CARD14: variants seen among roughly 807,000 people sequenced by gnomAD.
CARD14 encodes the protein caspase recruitment domain-containing protein 14.
CARD14 carries 107 observed loss-of-function variants against 111.5 expected under a neutral mutation model. That is an observed-to-expected ratio of 0.96 (90% confidence interval 0.82 to 1.13). The LOEUF is 1.13. CARD14 is among the 50% of genes most tolerant of loss of function. The probability of loss-of-function intolerance (pLI) is 0.00; values close to 1 mark genes in which losing one functional copy is unlikely to be tolerated. For missense variants in CARD14, 1,322 were observed against 1,362.3 expected, an observed-to-expected ratio of 0.97 and a Z score of 0.47; for synonymous variants, 617 against 579.6, an observed-to-expected ratio of 1.06 and a Z score of -0.93.
rs376853781 is a variant in CARD14, at chr17:80,189,710, T to C, written c.844-43T>C. The C allele has an allele frequency of 2.5e-5, 37 of 1,506,890 alleles. No homozygotes were observed. Among genetic ancestry groups the C allele is most frequent in the Non-Finnish European group, 3.3e-5 (37 of 1,135,002 alleles). 93.3% of individuals were successfully genotyped at this position (1,506,890 alleles called of 1,614,324 possible). ...GGATTCTGCTTGCCTAGGGCAGGCC[T>C]CTGGGGAAGCCAGCACCCCAGGCTG... On this transcript the variant is annotated intron_variant, in intron 8 of 23. Coordinates refer to ENST00000648509, the MANE Select transcript of CARD14 (RefSeq NM_001366385.1). The surrounding 1 kb of genome is among the most constrained non-coding windows in gnomAD (Gnocchi z 4.7).
intron 20 of CARD14, chr17:80,204,627 GAAA>G: frequency 1.7e-5 from 5 of 292,700 alleles, no homozygotes; most frequent in Admixed American, 4.6e-5. Flanking sequence ...TCTGTCTCAG[GAAA>G]AAAAAAAAAT....
In CARD14 at chr17:80,182,872, G is replaced by A; in HGVS notation, c.349+82G>A. 1 of 1,543,986 alleles carries A rather than the reference G, an allele frequency of 6.5e-7. No individual in the cohort carries two copies. Among genetic ancestry groups the A allele is most frequent in the Non-Finnish European group, 8.9e-7 (1 of 1,127,014 alleles). On this transcript the variant is annotated intron_variant, in intron 6 of 23. Coordinates refer to ENST00000648509, the MANE Select transcript of CARD14 (RefSeq NM_001366385.1). The surrounding 1 kb of genome is among the most constrained non-coding windows in gnomAD (Gnocchi z 4.7). ...GTAACCCCAGGTGCCCCGCTTACTTGCCGATTTGCCCTACTCCCCCTTCCC... is the reference window on the plus strand; with the variant it reads ...GTAACCCCAGGTGCCCCGCTTACTTACCGATTTGCCCTACTCCCCCTTCCC...
chr17:80,188,062 G>A lies in CARD14; in HGVS notation c.676-315G>A. Reference sequence around the variant, plus strand: ...GGGAGCATGCTGGCCATCACTGCCGGCTGCTCAGCTGTAGAGATCCAGGAG... The same window carrying A: ...GGGAGCATGCTGGCCATCACTGCCGACTGCTCAGCTGTAGAGATCCAGGAG... On this transcript the variant is annotated intron_variant, in intron 7 of 23. Transcript: ENST00000648509. This position sits in a 1 kb window ranked among gnomAD's most constrained non-coding sequence, Gnocchi z 4.5. 1 of 732,944 alleles carries A rather than the reference G, an allele frequency of 1.4e-6. No individual in the cohort carries two copies. The highest frequency in any genetic ancestry group is 1.7e-6 in the Non-Finnish European group (1 of 587,584). The allele number at this position is 732,944 out of a possible 1,614,324, so 45.4% of individuals were successfully genotyped here. A position where few individuals can be genotyped will look rare whatever the true frequency, so the allele number is the denominator to read the frequency against.
intron 7 of CARD14, 142 bp downstream of exon 7, chr17:80,184,380 C>T: frequency 1.3e-6 from 1 of 764,372 alleles, no homozygotes; most frequent in Non-Finnish European, 1.9e-6. Flanking sequence ...GGCTGAGACC[C>T]CTCTGGGAAG....
In CARD14 at chr17:80,195,333, G is replaced by C. The variant is rs369200145; in HGVS notation, c.1499G>C (p.Ser500Thr). The C allele has an allele frequency of 3.1e-5, 50 of 1,609,924 alleles. No individual in the cohort carries two copies. The highest frequency in any genetic ancestry group is 1.3e-4 in the Admixed American group (8 of 59,762). Residue 500 changes from serine to threonine, a missense_variant and splice_region_variant, in exon 13 of 24, where the codon AGC becomes ACC. Physicochemically the swap from Ser to Thr is moderately conservative, Grantham distance 58 (BLOSUM62 1). Coordinates refer to ENST00000648509, the MANE Select transcript of CARD14 (RefSeq NM_001366385.1). This position sits in a 1 kb window ranked among gnomAD's most constrained non-coding sequence, Gnocchi z 4.7. ...TTCGGGGAAGAACCCTGGTCTTTCA[G>C]GTAGAGCACTGGGGTCCTTCCTGGC... ...EDFGEEPWSF[S>T]SCLEIPEGDP...
At chr17:80,170,742 T>G (rs11656763) in intron 1 of CARD14, among the ~76,000 whole-genome samples, 187 of 150,568 alleles carry the variant, frequency 1.2e-3, no homozygotes, top group Non-Finnish European at 2.1e-3. Context: ...GATTCAGAGT[T>G]TGGAATTAGA....
In CARD14 at chr17:80,188,480, G is replaced by T. The variant is rs2040416666; in HGVS notation, c.779G>T (p.Gly260Val). Residue 260 changes from glycine (G) to valine (V), a missense_variant, in exon 8 of 24, where the codon GGG becomes GTG. Gly to Val is a moderately radical substitution (Grantham distance 109). Transcript: ENST00000648509. The surrounding 1 kb of genome is among the most constrained non-coding windows in gnomAD (Gnocchi z 4.5). The stretch of plus-strand genomic sequence containing the variant: ...AGGACAGCCAGCGACCAGGAGTCCG[G>T]GGATGAGGAGCTGAACCGCCTGAAG... ...SLRTASDQES[G>V]DEELNRLKEE... 1 of 1,590,726 alleles carries T rather than the reference G, an allele frequency of 6.3e-7. No homozygotes were observed. The highest frequency in any genetic ancestry group is 2.3e-5 in the East Asian group (1 of 43,424).
rs573963734 is a variant in CARD14 at position 80,189,456 on chromosome 17, G to T, written c.844-297G>T. On this transcript the variant is annotated intron_variant, in intron 8 of 23. Coordinates refer to ENST00000648509, the MANE Select transcript of CARD14 (RefSeq NM_001366385.1). The surrounding 1 kb of genome is among the most constrained non-coding windows in gnomAD (Gnocchi z 4.7). ...TGACCTGTCTGCTGGTTTCTCCCTC[G>T]CTGTGAAACTGCCGGTAGATCTGTT... is the stretch of plus-strand genomic sequence containing the variant. 3.3e-5 allele frequency among the ~76,000 whole-genome samples: 5 copies of T among 152,192 alleles called. No homozygotes were observed. Among genetic ancestry groups the T allele is most frequent in the Non-Finnish European group, 7.3e-5 (5 of 68,038 alleles).
chr17:80,199,421 A>G (rs1261092103), intron 16 of CARD14, among the ~76,000 whole-genome samples: 3 of 137,938 alleles, frequency 2.2e-5, no homozygotes, highest in Admixed American at 7.2e-5. Flanking sequence ...AAACTTTAGG[A>G]AAAAAAAAAA....
intron 14 of CARD14, 123 bp from the exon 15 acceptor site, chr17:80,197,976 G>A (rs2885344): frequency 1.1e-6 from 1 of 880,492 alleles, no homozygotes; most frequent in Non-Finnish European, 1.9e-6. Context: ...GAGGTTACAG[G>A]ACGCCCCATC....
In CARD14 at chr17:80,190,875, C is replaced by T. The variant is rs140246774; in HGVS notation, c.1065C>T (p.Cys355=). Residue 355 remains cysteine (C), a synonymous_variant, in exon 10 of 24, where the codon TGC becomes TGT. Transcript: ENST00000648509. ...EKVNALQAQV[C]ELQKERDQAY... ...TGAATGCGCTGCAGGCCCAGGTGTGCGAGCTGCAGAAGGAGCGAGACCAGG... is the reference window on the plus strand; with the variant it reads ...TGAATGCGCTGCAGGCCCAGGTGTGTGAGCTGCAGAAGGAGCGAGACCAGG... The T allele has an allele frequency of 4.0e-4, 649 of 1,613,852 alleles. 2 individuals carry two copies. In the African/African-American group the frequency reaches 7.3e-3, roughly 18 times the overall value.
intron 14 of CARD14, chr17:80,196,378 G>A (rs1385993176): frequency 6.6e-6 from 1 of 152,178 alleles, no homozygotes; most frequent in Admixed American, 6.5e-5. Flanking sequence ...GTGATAAATC[G>A]AGAGAGACCA....
chr17:80,203,911 C>T lies in CARD14; in HGVS notation c.2283+26C>T, dbSNP rs1314307274. ...GTGAGGCTCCAGGGAGGGGCCTGGACCCCACTGGGGTGGGCTGGAAGAGGG... is the reference window on the plus strand; with the variant it reads ...GTGAGGCTCCAGGGAGGGGCCTGGATCCCACTGGGGTGGGCTGGAAGAGGG... On this transcript the variant is annotated intron_variant, in intron 19 of 23. Coordinates refer to ENST00000648509, the MANE Select transcript of CARD14 (RefSeq NM_001366385.1). This position sits in a 1 kb window ranked among gnomAD's most constrained non-coding sequence, Gnocchi z 4.6. 1.3e-5 allele frequency: 20 copies of T among 1,566,328 alleles called. No individual in the cohort carries two copies. Among genetic ancestry groups the T allele is most frequent in the Non-Finnish European group, 1.4e-5 (16 of 1,152,082 alleles).
At chr17:80,175,000 G>T (rs1319989763) in intron 2 of CARD14, among the ~76,000 whole-genome samples, 1 of 151,518 alleles carries the variant, frequency 6.6e-6, no homozygotes, top group African/African-American at 2.4e-5. Flanking sequence ...TTTTAAGACA[G>T]GGTCTCAGTC....
intron 18 of CARD14, chr17:80,202,774 C>T (rs778966441): frequency 1.2e-4 from 39 of 322,862 alleles, no homozygotes; most frequent in Middle Eastern, 2.1e-3. Context: ...CCCAGGATGC[C>T]GGGACTACTC....
rs2040221219 is a variant in CARD14, at chr17:80,182,989, G to A, written c.349+199G>A. On this transcript the variant is annotated intron_variant, in intron 6 of 23. Coordinates refer to ENST00000648509, the MANE Select transcript of CARD14 (RefSeq NM_001366385.1). The surrounding 1 kb of genome is among the most constrained non-coding windows in gnomAD (Gnocchi z 4.7). ...GTTGGATAGGATAAGGAGCCCCTGGGCCTTGACTCTGAAGGGTCGGTCCTT... is the reference window on the plus strand; with the variant it reads ...GTTGGATAGGATAAGGAGCCCCTGGACCTTGACTCTGAAGGGTCGGTCCTT... Among the ~76,000 whole-genome samples, 1 of 152,162 alleles carries A rather than the reference G, an allele frequency of 6.6e-6. No individual in the cohort carries two copies. Among genetic ancestry groups the A allele is most frequent in the Non-Finnish European group, 1.5e-5 (1 of 68,024 alleles).
At position 80,195,819 on chromosome 17, in the gene CARD14, T is replaced by G; in HGVS notation, c.1594+167T>G. ...GCCTCGACCTTGCACTTTGGGAAAG[T>G]CCCGCCTGCCAGCCAGCGTAAGCCA... On this transcript the variant is annotated intron_variant, in intron 14 of 23. Transcript: ENST00000648509. The surrounding 1 kb of genome is among the most constrained non-coding windows in gnomAD (Gnocchi z 4.7). 1.6e-6 allele frequency: 1 copy of G among 611,812 alleles called. No individual in the cohort carries two copies. Among genetic ancestry groups the G allele is most frequent in the Non-Finnish European group, 2.8e-6 (1 of 351,614 alleles). 37.9% of individuals were successfully genotyped at this position (611,812 alleles called of 1,614,324 possible).
chr17:80,176,224 G>C (rs2040023149), intron 2 of CARD14, among the ~76,000 whole-genome samples: 1 of 150,386 alleles, frequency 6.6e-6, no homozygotes, highest in Non-Finnish European at 1.5e-5. Flanking sequence ...GAGCCTAGGA[G>C]TTTGAGACCA....
chr17:80,187,907 C>T (rs867778444), intron 7 of CARD14: 25 of 985,624 alleles, frequency 2.5e-5, no homozygotes, highest in South Asian at 4.7e-5. Context: ...TGAACAGCCC[C>T]GGTCCCGCGT....
Sources: allele counts gnomAD v4.1 joint callset (sites outside exome capture counted in the v4.1 genomes callset), GRCh38; gene constraint gnomAD v4.1.1; non-coding constraint Gnocchi (gnomAD v3.1); transcripts MANE v1.5; gene names NCBI Gene and HGNC (gene_info 2026-07-23, HGNC 2026-07-21).